Variants in TRIM59 observed in about 807,000 individuals in gnomAD.
The protein encoded by TRIM59 is tripartite motif containing 59, also known as tripartite motif-containing protein 59.
Under a neutral mutation model 32.2 loss-of-function variants are expected in TRIM59, and 14 were observed. The ratio of observed to expected loss-of-function variants is 0.43; its 90% CI spans 0.29 to 0.68. The LOEUF (loss-of-function observed/expected upper bound fraction) is 0.68. Among genes scored for constraint, TRIM59 ranks in the 30% least tolerant of loss-of-function variants. The probability of loss-of-function intolerance (pLI) is 0.15; values close to 1 mark genes in which losing one functional copy is unlikely to be tolerated. For synonymous variants in TRIM59, 163 were observed against 155.1 expected (o/e 1.05, Z -0.38); for missense variants, 471 against 463.3 (o/e 1.02, Z -0.15).
intron 2 of TRIM59, among the ~76,000 whole-genome samples, chr3:160,447,107 T>C (rs545722082): frequency 6.6e-6 from 1 of 152,044 alleles, no homozygotes; most frequent in South Asian, 2.1e-4. Context: ...TTAAAAAGAT[T>C]AAAATGGTAA....
chr3:160,449,350 T>G (rs1330190824), intron 1 of TRIM59: 2 of 465,756 alleles, frequency 4.3e-6, no homozygotes, highest in African/African-American at 4.1e-5. Flanking sequence ...GGCAGTACTC[T>G]TCCCTTCCCC....
intron 2 of TRIM59, among the ~76,000 whole-genome samples, chr3:160,443,463 T>C (rs1719361270): frequency 6.6e-6 from 1 of 152,154 alleles, no homozygotes; most frequent in Non-Finnish European, 1.5e-5. Flanking sequence ...ATAAAGACAG[T>C]TGGACAATAT....
At position 160,438,578 on chromosome 3, in the gene TRIM59, A is replaced by G. The variant is rs1303027345; in HGVS notation, c.606T>C (p.Ser202=). The G allele has an allele frequency of 1.2e-6, 2 of 1,610,424 alleles. No homozygotes were observed. Among genetic ancestry groups the G allele is most frequent in the Non-Finnish European group, 1.7e-6 (2 of 1,179,086 alleles). ...LNDTLEQKKK[S]FLTALCDVGN... ...CAACATCACAGAGAGCCGTTAGGAA[A>G]CTTTTTTTTTTCTGTTCTAATGTAT... Residue 202 remains serine (S), a synonymous_variant, in exon 3 of 3, where the codon AGT becomes AGC. Transcript: ENST00000309784.
chr3:160,442,996 A>G lies in TRIM59; in HGVS notation c.-3-3810T>C, dbSNP rs114164336. ...TAGTCAGGCACAGTGATACACGCCT[A>G]TAATCCCAGCTACGCGGGGAGCTGA... On this transcript the variant is annotated intron_variant, in intron 2 of 2. Coordinates refer to ENST00000309784, the MANE Select transcript of TRIM59 (RefSeq NM_173084.3). Among the ~76,000 whole-genome samples the G allele has an allele frequency of 3.5e-3, 538 of 152,344 alleles. 2 individuals are homozygous for G. The highest frequency in any genetic ancestry group is 0.012 in the African/African-American group (505 of 41,582).
chr3:160,436,547 C>T lies in TRIM59; in HGVS notation c.*1425G>A. 1.0e-6 allele frequency: 1 copy of T among 984,594 alleles called. No individual in the cohort carries two copies. The highest frequency in any genetic ancestry group is 1.2e-6 in the Non-Finnish European group (1 of 829,276). 61.0% of individuals were successfully genotyped at this position (984,594 alleles called of 1,614,324 possible). A position where few individuals can be genotyped will look rare whatever the true frequency, so the allele number is the denominator to read the frequency against. ...GGCGTGGCGGCTCACGCCTATAATC[C>T]CAGCATTTTGGGAGGCTGAGGCGAG... On this transcript the variant is annotated 3_prime_UTR_variant, in exon 3 of 3. Transcript: ENST00000309784.
rs963240527 is a variant in TRIM59 at position 160,439,178 on chromosome 3, G to T, written c.6C>A (p.His2Gln). The change falls in exon 3 of 3, where the codon CAC becomes CAA. Residue 2 changes from histidine (H) to glutamine (Q), a missense_variant. By Grantham distance (24) the His-to-Gln change is conservative. Coordinates refer to ENST00000309784, the MANE Select transcript of TRIM59 (RefSeq NM_173084.3). Reference protein sequence around the residue: MHNFEEELTCPI... With the variant: MQNFEEELTCPI... ...GACAAGTTAACTCTTCCTCAAAATTGTGCATTTCCTGTCAAGAGAAAAATG... is the reference window on the plus strand; with the variant it reads ...GACAAGTTAACTCTTCCTCAAAATTTTGCATTTCCTGTCAAGAGAAAAATG... 1 of 1,488,888 alleles carries T rather than the reference G, an allele frequency of 6.7e-7. No homozygotes were observed. Among genetic ancestry groups the T allele is most frequent in the Non-Finnish European group, 8.9e-7 (1 of 1,120,244 alleles). The allele number at this position is 1,488,888 out of a possible 1,614,324, so 92.2% of individuals were successfully genotyped here. A position where few individuals can be genotyped will look rare whatever the true frequency, so the allele number is the denominator to read the frequency against.
intron 2 of TRIM59, among the ~76,000 whole-genome samples, chr3:160,440,850 G>A: frequency 6.6e-6 from 1 of 152,042 alleles, no homozygotes; most frequent in East Asian, 1.9e-4. Flanking sequence ...GGTGGCGGTT[G>A]CAGTGAGCCA....
At chr3:160,446,209 G>GAA (rs1719521763) in intron 2 of TRIM59, among the ~76,000 whole-genome samples, 1 of 152,124 alleles carries the variant, frequency 6.6e-6, no homozygotes, top group African/African-American at 2.4e-5. Flanking sequence ...GGATACTCTT[G>GAA]AAATCTCCTC....
chr3:160,445,035 G>T (rs1416657417), intron 2 of TRIM59, among the ~76,000 whole-genome samples: 1 of 151,362 alleles, frequency 6.6e-6, no homozygotes, highest in Non-Finnish European at 1.5e-5. Context: ...CATGGGCAGA[G>T]CTGACACCAT....
At position 160,437,572 on chromosome 3, in the gene TRIM59, A is replaced by G. The variant is rs1394617973; in HGVS notation, c.*400T>C. The G allele has an allele frequency of 2.0e-6, 2 of 986,880 alleles. No homozygotes were observed. Among genetic ancestry groups the G allele is most frequent in the Non-Finnish European group, 2.4e-6 (2 of 831,136 alleles). 61.1% of individuals were successfully genotyped at this position (986,880 alleles called of 1,614,324 possible). On this transcript the variant is annotated 3_prime_UTR_variant, in exon 3 of 3. Coordinates refer to ENST00000309784, the MANE Select transcript of TRIM59 (RefSeq NM_173084.3). The stretch of plus-strand genomic sequence containing the variant: ...CTTATTCACCCATTCAAAAGCTTCA[A>G]GCCACATCAAAATAAAGGTATATGT...
rs1046983834 is a variant in TRIM59, at chr3:160,449,478, C to T, written c.-74+239G>A. The T allele has an allele frequency of 4.2e-6, 5 of 1,190,214 alleles. No individual in the cohort carries two copies. In the African/African-American group the frequency reaches 8.0e-5, roughly 19 times the overall value. The allele number at this position is 1,190,214 out of a possible 1,614,324, so 73.7% of individuals were successfully genotyped here. ...CGGCGTCCGCTCAGCTCACCCTCGC[C>T]ACCACAGAGGGCCTCCTCCCTCACA... On this transcript the variant is annotated intron_variant, in intron 1 of 2. Transcript: ENST00000309784.
In TRIM59 at chr3:160,438,418, C is replaced by G; in HGVS notation, c.766G>C (p.Asp256His). 6.2e-7 allele frequency: 1 copy of G among 1,613,944 alleles called. No homozygotes were observed. Among genetic ancestry groups the G allele is most frequent in the Non-Finnish European group, 8.5e-7 (1 of 1,179,980 alleles). ...AAGATCTGTACATGCTGGCGTACAT[C>G]ATCAACTTTTTCAAGAAATTTAAGT... ...SPLKFLEKVD[D>H]VRQHVQILKQ... The change falls in exon 3 of 3, where the codon GAT becomes CAT. Residue 256 changes from aspartate (D) to histidine (H), a missense_variant. Coordinates refer to ENST00000309784, the MANE Select transcript of TRIM59 (RefSeq NM_173084.3).
At chr3:160,439,939 TATA>T (rs1719157558) in intron 2 of TRIM59, among the ~76,000 whole-genome samples, 1 of 152,158 alleles carries the variant, frequency 6.6e-6, no homozygotes, top group Non-Finnish European at 1.5e-5. Context: ...ACCAAGCACA[TATA>T]ATGAGTAGAC....
intron 2 of TRIM59, among the ~76,000 whole-genome samples, chr3:160,448,254 G>A (rs1719637075): frequency 6.6e-6 from 1 of 152,068 alleles, no homozygotes; most frequent in South Asian, 2.1e-4. Context: ...ATATCTGGTG[G>A]GAAATATTCA....
rs760099617 is a variant in TRIM59, at chr3:160,438,633, GCTTC to G, written c.547_550del (p.Glu183LeufsTer13). On this transcript the variant is annotated frameshift_variant, in exon 3 of 3. Transcript: ENST00000309784. LOFTEE classifies it high-confidence loss of function. The stretch of plus-strand genomic sequence containing the variant: ...AAGCTCCTTAAAATACTGGAGAACA[GCTTC>G]CTTATCGCCTTGGATCATTTTCTCA... 25 of 1,612,460 alleles carry G rather than the reference GCTTC, an allele frequency of 1.6e-5. No homozygotes were observed. Among genetic ancestry groups the G allele is most frequent in the Non-Finnish European group, 2.1e-5 (25 of 1,179,614 alleles).
chr3:160,445,790 A>T (rs1719500762), intron 2 of TRIM59, among the ~76,000 whole-genome samples: 1 of 151,772 alleles, frequency 6.6e-6, no homozygotes, highest in South Asian at 2.1e-4. Flanking sequence ...AAAAAAAAAA[A>T]AAAATTGCTA....
In TRIM59 at chr3:160,438,698, A is replaced by G. The variant is rs1248236257; in HGVS notation, c.486T>C (p.His162=). The change falls in exon 3 of 3, where the codon CAT becomes CAC. Residue 162 remains histidine, a synonymous_variant. Transcript: ENST00000309784. ...TTTGTTCTTTCAGCTTTTCAATAAG[A>G]TGGGTAAGATCTGTCCAGTGTGTGT... ...LTDTHWTDLT[H]LIEKLKEQKS... 3 of 1,613,302 alleles carry G rather than the reference A, an allele frequency of 1.9e-6. No individual in the cohort carries two copies. The highest frequency in any genetic ancestry group is 2.5e-6 in the Non-Finnish European group (3 of 1,179,860).
chr3:160,445,204 C>T (rs1719460434), intron 2 of TRIM59, among the ~76,000 whole-genome samples: 1 of 152,056 alleles, frequency 6.6e-6, no homozygotes, highest in Non-Finnish European at 1.5e-5. Flanking sequence ...CACTTGAGCC[C>T]AGCAATTCGA....
At position 160,440,887 on chromosome 3, in the gene TRIM59, C is replaced by A. The variant is rs573579043; in HGVS notation, c.-3-1701G>T. ...GATTACACCACCGCACTCATCTGGA[C>A]AACAAGAGCGAAACTCCGTCTCAAA... On this transcript the variant is annotated intron_variant, in intron 2 of 2. Coordinates refer to ENST00000309784, the MANE Select transcript of TRIM59 (RefSeq NM_173084.3). Among the ~76,000 whole-genome samples the A allele has an allele frequency of 5.9e-5, 9 of 152,108 alleles. 1 individual carries two copies. The highest frequency in any genetic ancestry group is 2.2e-4 in the African/African-American group (9 of 41,504).
Sources: allele counts gnomAD v4.1 joint callset (sites outside exome capture counted in the v4.1 genomes callset), GRCh38; gene constraint gnomAD v4.1.1; transcripts MANE v1.5; gene names NCBI Gene and HGNC (gene_info 2026-07-23, HGNC 2026-07-21).